Variants in SP4 observed in about 807,000 individuals in gnomAD.
SP4 encodes transcription factor Sp4.
In SP4, 19 loss-of-function variants were observed where a neutral mutation model predicts 72.8. The observed-to-expected ratio is 0.26, with a 90% CI of 0.18 to 0.38. The LOEUF (loss-of-function observed/expected upper bound fraction) is 0.38. Among genes scored for constraint, SP4 ranks in the 10% least tolerant of loss-of-function variants. The pLI, the probability that SP4 is intolerant of heterozygous loss-of-function variation, is 1.00. For missense variants in SP4, 1,008 were observed against 926.3 expected (o/e 1.09, Z -1.14); for synonymous variants, 395 against 333.1 (o/e 1.19, Z -2.02).
At chr7:21,493,609 T>G (rs1785032955) in intron 5 of SP4, among the ~76,000 whole-genome samples, 1 of 152,086 alleles carries the variant, frequency 6.6e-6, no homozygotes, top group Admixed American at 6.5e-5. Context: ...ATGGAACAAC[T>G]CCTTGAAAGA....
At chr7:21,444,707 G>A (rs539640384) in intron 3 of SP4, among the ~76,000 whole-genome samples, 2 of 152,230 alleles carry the variant, frequency 1.3e-5, no homozygotes, top group East Asian at 3.9e-4. Flanking sequence ...TGAAGAAGGT[G>A]GTGGTGGTGA....
Position 21,476,273 on chromosome 7 carries a change from C to CAAAA in SP4, c.1679-786_1679-783dup, listed in dbSNP as rs753166936. Reference sequence around the variant, plus strand: ...TGGGCGACAGAGCAAGACTCCATCTCAAAAAAAAAAAAAAAAAAAAAAAGC... The same window carrying CAAAA: ...TGGGCGACAGAGCAAGACTCCATCTCAAAAAAAAAAAAAAAAAAAAAAAAAAAGC... On this transcript the variant is annotated intron_variant, in intron 3 of 5. Coordinates refer to ENST00000222584, the MANE Select transcript of SP4 (RefSeq NM_003112.5). 1.1e-3 allele frequency among the ~76,000 whole-genome samples: 54 copies of CAAAA among 49,570 alleles called. 1 individual carries two copies. The highest frequency in any genetic ancestry group is 8.3e-3 in the East Asian group (13 of 1,574). The allele number at this position is 49,570 out of a possible 152,430, so 32.5% of individuals were successfully genotyped here. A position where few individuals can be genotyped will look rare whatever the true frequency, so the allele number is the denominator to read the frequency against.
At position 21,429,596 on chromosome 7, in the gene SP4, A is replaced by G. The variant is rs773316960; in HGVS notation, c.431A>G (p.Asn144Ser). Residue 144 changes from asparagine (N) to serine (S), a missense_variant, in exon 3 of 6, where the codon AAT (asparagine) becomes AGT (serine). Physicochemically the swap from Asn to Ser is conservative, Grantham distance 46. Coordinates refer to ENST00000222584, the MANE Select transcript of SP4 (RefSeq NM_003112.5). ...SASPTKTKSG[N>S]SSTPGQFQVI... ...TCTCCTACAAAAACTAAATCAGGTA[A>G]TTCTTCCACCCCTGGTCAATTTCAA... The G allele has an allele frequency of 6.2e-7, 1 of 1,614,182 alleles. No individual in the cohort carries two copies. The highest frequency in any genetic ancestry group is 8.5e-7 in the Non-Finnish European group (1 of 1,180,016).
Position 21,477,694 on chromosome 7 carries a change from C to T in SP4, c.1907+387C>T, listed in dbSNP as rs1333956575. 7.9e-5 allele frequency among the ~76,000 whole-genome samples: 12 copies of T among 152,084 alleles called. No homozygotes were observed. The South Asian group carries it at 2.3e-3, about 29-fold the overall frequency. On this transcript the variant is annotated intron_variant, in intron 4 of 5. Transcript: ENST00000222584. ...TGGGATTAAGTACAGGTGCCCGCCA[C>T]CACACCCGGCTAGTTTTTGTATTTT...
chr7:21,505,679 G>A (rs979664589), intron 5 of SP4, among the ~76,000 whole-genome samples: 1 of 145,614 alleles, frequency 6.9e-6, no homozygotes, highest in African/African-American at 2.4e-5. Flanking sequence ...TAAAGAGGGT[G>A]TAGTGTTTAG....
intron 3 of SP4, among the ~76,000 whole-genome samples, chr7:21,446,112 C>T (rs1488769064): frequency 6.6e-6 from 1 of 151,460 alleles, no homozygotes; most frequent in Non-Finnish European, 1.5e-5. Flanking sequence ...TCATTATAAA[C>T]ACATTCAGGG....
At chr7:21,474,471 A>ATCACTGTGCT (rs1050915979) in intron 3 of SP4, among the ~76,000 whole-genome samples, 1 of 152,222 alleles carries the variant, frequency 6.6e-6, no homozygotes, top group Non-Finnish European at 1.5e-5. Flanking sequence ...AAGTGTGTGT[A>ATCACTGTGCT]TCACTGTGCT....
intron 4 of SP4, among the ~76,000 whole-genome samples, chr7:21,479,230 A>G (rs892487378): frequency 1.3e-4 from 19 of 148,672 alleles, no homozygotes; most frequent in African/African-American, 4.7e-4. Flanking sequence ...CTAAGAATTC[A>G]TTGCCAAATC....
At chr7:21,453,495 T>C (rs1562596441) in intron 3 of SP4, among the ~76,000 whole-genome samples, 1 of 152,238 alleles carries the variant, frequency 6.6e-6, no homozygotes, top group Non-Finnish European at 1.5e-5. Flanking sequence ...ACTGATAATG[T>C]ATGCCTAGTC....
rs758023300 is a variant in SP4, at chr7:21,430,682, C to G, written c.1517C>G (p.Thr506Ser). ...CCAGTGTCTTCAAGTGGTGGCACAACTCTTGCTCAGATTGCTCCTGTGGCT... is the reference window on the plus strand; with the variant it reads ...CCAGTGTCTTCAAGTGGTGGCACAAGTCTTGCTCAGATTGCTCCTGTGGCT... ...ITPVSSSGGT[T>S]LAQIAPVAVA... The change falls in exon 3 of 6, where the codon ACT becomes AGT. Residue 506 changes from threonine (T) to serine (S), a missense_variant. Thr to Ser is a moderately conservative substitution (Grantham distance 58). Transcript: ENST00000222584. 7 of 1,614,246 alleles carry G rather than the reference C, an allele frequency of 4.3e-6. No homozygotes were observed. The South Asian group carries it at 6.6e-5, about 15-fold the overall frequency.
chr7:21,449,409 C>T (rs1015866795), intron 3 of SP4, among the ~76,000 whole-genome samples: 9 of 152,018 alleles, frequency 5.9e-5, no homozygotes, highest in Non-Finnish European at 1.5e-5. Context: ...AAACTTTGGG[C>T]TACTGATTTT....
intron 3 of SP4, among the ~76,000 whole-genome samples, chr7:21,438,157 G>A (rs1042429755): frequency 1.3e-5 from 2 of 151,968 alleles, no homozygotes; most frequent in East Asian, 1.9e-4. Flanking sequence ...GATGTTCATC[G>A]GTCAAAGATT....
At chr7:21,488,616 C>G (rs1784888365) in intron 5 of SP4, among the ~76,000 whole-genome samples, 2 of 151,690 alleles carry the variant, frequency 1.3e-5, no homozygotes. Flanking sequence ...TACATTTAGC[C>G]AGGTGCAGTA....
At position 21,430,088 on chromosome 7, in the gene SP4, C is replaced by G. The variant is rs369516615; in HGVS notation, c.923C>G (p.Thr308Ser). ...NQLVSTPTNT[T>S]TSASTMPESP... ...TTAGTTTCCACACCCACCAACACCA[C>G]TACTTCTGCCAGTACTATGCCAGAA... Residue 308 changes from threonine to serine, a missense_variant, in exon 3 of 6, where the codon ACT (threonine) becomes AGT (serine). Physicochemically the swap from Thr to Ser is moderately conservative, Grantham distance 58. Around this residue, in one of 3 missense-constraint regions of SP4, gnomAD observed 893 missense variants for 743.3 expected, o/e 1.20. Coordinates refer to ENST00000222584, the MANE Select transcript of SP4 (RefSeq NM_003112.5). The G allele has an allele frequency of 5.0e-6, 8 of 1,614,092 alleles. No individual in the cohort carries two copies. In the African/African-American group the frequency reaches 8.0e-5, roughly 16 times the overall value.
rs1405581556 is a variant in SP4, at chr7:21,511,879, G to A, written c.*610G>A. 6.5e-6 allele frequency: 1 copy of A among 152,866 alleles called. No individual in the cohort carries two copies. The highest frequency in any genetic ancestry group is 2.1e-4 in the South Asian group (1 of 4,840). The allele number at this position is 152,866 out of a possible 1,614,324, so 9.5% of individuals were successfully genotyped here. A position where few individuals can be genotyped will look rare whatever the true frequency, so the allele number is the denominator to read the frequency against. On this transcript the variant is annotated 3_prime_UTR_variant, in exon 6 of 6. Coordinates refer to ENST00000222584, the MANE Select transcript of SP4 (RefSeq NM_003112.5). ...TCTTTATTACCACTACATTATAGTA[G>A]TGTGTATGCAGACAATCAGTGAAGT... is the stretch of plus-strand genomic sequence containing the variant.
chr7:21,486,432 A>G (rs1784813240), intron 5 of SP4, among the ~76,000 whole-genome samples: 1 of 152,082 alleles, frequency 6.6e-6, no homozygotes, highest in Middle Eastern at 3.4e-3. Flanking sequence ...GGAATAACAC[A>G]CTGCATTTGT....
intron 5 of SP4, among the ~76,000 whole-genome samples, chr7:21,485,537 A>G (rs1158460528): frequency 1.3e-5 from 2 of 151,882 alleles, no homozygotes; most frequent in Admixed American, 6.6e-5. Flanking sequence ...ATACTTAAAC[A>G]CTGTTATTTA....
intron 4 of SP4, among the ~76,000 whole-genome samples, chr7:21,477,546 C>T (rs115125277): frequency 1.3e-3 from 203 of 152,112 alleles, no homozygotes; most frequent in African/African-American, 4.7e-3. Context: ...ACCCCTCCCC[C>T]ACCCCAACAA....
rs1333785494 is a variant in SP4, at chr7:21,430,518, G to A, written c.1353G>A (p.Pro451=). Residue 451 remains proline, a synonymous_variant, in exon 3 of 6, where the codon CCG becomes CCA. Coordinates refer to ENST00000222584, the MANE Select transcript of SP4 (RefSeq NM_003112.5). The part of the protein sequence containing the change: ...LQNVQLQAVN[P]TQVLIRAPTL... ...ATGTTCAACTTCAAGCAGTAAATCC[G>A]ACTCAGGTGCTTATCAGGGCTCCAA... 1.2e-6 allele frequency: 2 copies of A among 1,614,220 alleles called. No individual in the cohort carries two copies. Among genetic ancestry groups the A allele is most frequent in the African/African-American group, 1.3e-5 (1 of 75,062 alleles).
Sources: gnomAD v4.1 joint callset for allele counts (sites outside exome capture counted in the v4.1 genomes callset) on GRCh38, gnomAD v4.1.1 for gene constraint, gnomAD v4.1.1 regional missense constraint, MANE v1.5 for transcripts, NCBI Gene and HGNC (gene_info 2026-07-23, HGNC 2026-07-21) for gene names.